Variants in GALNTL6 observed in about 807,000 individuals in gnomAD.
The protein encoded by GALNTL6 is polypeptide N-acetylgalactosaminyltransferase like 6, also known as polypeptide N-acetylgalactosaminyltransferase-like 6.
A neutral mutation model predicts 73.7 loss-of-function variants in GALNTL6; 46 were observed. The ratio of observed to expected loss-of-function variants is 0.62; its 90% CI spans 0.49 to 0.80. The LOEUF (loss-of-function observed/expected upper bound fraction) is 0.80, where lower values mean the gene tolerates loss of function less well. Among genes scored for constraint, GALNTL6 ranks in the 30% least tolerant of loss-of-function variants. The pLI is 0.00. For missense variants in GALNTL6, 604 were observed against 755.0 expected, an observed-to-expected ratio of 0.80 and a Z score of 2.34; for synonymous variants, 259 against 263.7, an observed-to-expected ratio of 0.98 and a Z score of 0.17.
At position 172,069,582 on chromosome 4, in the gene GALNTL6, A is replaced by ATGTTATATATG. The variant is rs1451907472; in HGVS notation, c.139-160073_139-160072insGTTATATATGT. Among the ~76,000 whole-genome samples, 9 of 21,028 alleles carry ATGTTATATATG rather than the reference A, an allele frequency of 4.3e-4. 3 individuals are homozygous for ATGTTATATATG. The South Asian group carries it at 0.019, about 46-fold the overall frequency. 13.8% of individuals were successfully genotyped at this position (21,028 alleles called of 152,430 possible). ...TATATATAACACATATATGTTATATATTATATATATAACACATATATGTTA... is the reference window on the plus strand; with the variant it reads ...TATATATAACACATATATGTTATATATGTTATATATGTTATATATATAACACATATATGTTA... On this transcript the variant is annotated intron_variant, in intron 2 of 12. Coordinates refer to ENST00000506823, the MANE Select transcript of GALNTL6 (RefSeq NM_001034845.3).
chr4:171,908,441 A>T (rs1448939838), intron 2 of GALNTL6, among the ~76,000 whole-genome samples: 2 of 152,180 alleles, frequency 1.3e-5, no homozygotes, highest in African/African-American at 2.4e-5. Context: ...TCAAAACCAC[A>T]GTGAGATACC....
chr4:171,913,952 A>T (rs1382617100), intron 2 of GALNTL6, among the ~76,000 whole-genome samples: 1 of 152,054 alleles, frequency 6.6e-6, no homozygotes, highest in Non-Finnish European at 1.5e-5. Flanking sequence ...GAAAAAATCC[A>T]AAATTGAAAT....
chr4:172,707,850 A>C (rs1187855892), intron 5 of GALNTL6, among the ~76,000 whole-genome samples: 3 of 152,100 alleles, frequency 2.0e-5, no homozygotes, highest in African/African-American at 7.2e-5. Flanking sequence ...CATGGTGATC[A>C]GATATCAAGG....
At chr4:172,642,753 A>C (rs1055376626) in intron 5 of GALNTL6, among the ~76,000 whole-genome samples, 45 of 151,986 alleles carry the variant, frequency 3.0e-4, no homozygotes, top group Admixed American at 2.7e-3. Context: ...GAGGTAATGC[A>C]TATGTTAATT....
rs188767045 is a variant in GALNTL6 at position 171,936,996 on chromosome 4, G to A, written c.138+122278G>A. Reference sequence around the variant, plus strand: ...CTTCCAGCTGAACCTGCAAGATCACGCTTCACAATACAAGTACCCAAGAAA... The same window carrying A: ...CTTCCAGCTGAACCTGCAAGATCACACTTCACAATACAAGTACCCAAGAAA... On this transcript the variant is annotated intron_variant, in intron 2 of 12. Coordinates refer to ENST00000506823, the MANE Select transcript of GALNTL6 (RefSeq NM_001034845.3). 9.2e-4 allele frequency among the ~76,000 whole-genome samples: 140 copies of A among 152,114 alleles called. 1 individual carries two copies. Among genetic ancestry groups the A allele is most frequent in the African/African-American group, 3.2e-3 (131 of 41,504 alleles).
chr4:172,257,909 T>A (rs930007264), intron 3 of GALNTL6, among the ~76,000 whole-genome samples: 2 of 151,286 alleles, frequency 1.3e-5, no homozygotes, highest in African/African-American at 4.8e-5. Flanking sequence ...GGTATCTTCA[T>A]ATAGTTTATG....
At chr4:172,857,803 A>G (rs926467841) in intron 7 of GALNTL6, among the ~76,000 whole-genome samples, 1 of 152,226 alleles carries the variant, frequency 6.6e-6, no homozygotes, top group African/African-American at 2.4e-5. Flanking sequence ...AGATGTAAAA[A>G]TAATCCTCAA....
intron 5 of GALNTL6, among the ~76,000 whole-genome samples, chr4:172,413,574 T>G (rs1283930447): frequency 6.6e-6 from 1 of 152,096 alleles, no homozygotes; most frequent in African/African-American, 2.4e-5. Flanking sequence ...GCATAGGAAT[T>G]AGGCTTTTAT....
At chr4:172,988,636 C>T (rs1229960736) in intron 10 of GALNTL6, among the ~76,000 whole-genome samples, 2 of 152,250 alleles carry the variant, frequency 1.3e-5, no homozygotes, top group Admixed American at 6.5e-5. Context: ...ATGGCAGCCT[C>T]TCCCATCACA....
chr4:171,861,407 T>C (rs958005117), intron 2 of GALNTL6, among the ~76,000 whole-genome samples: 5 of 152,246 alleles, frequency 3.3e-5, no homozygotes, highest in African/African-American at 1.2e-4. Context: ...TTAATTGACA[T>C]TTGTAACCCT....
chr4:172,770,687 C>T (rs1044143242), intron 5 of GALNTL6, among the ~76,000 whole-genome samples: 1 of 152,196 alleles, frequency 6.6e-6, no homozygotes, highest in South Asian at 2.1e-4. Context: ...ACTTAATTGA[C>T]TTTTATGCTG....
In GALNTL6 at chr4:171,813,636, C is replaced by T. The variant is rs1734440309; in HGVS notation, c.-524C>T. ...TGGTCCTGTGGGTTCGTTCAGTTGC[C>T]AGAAAAGAATGGTAACATGAACAGC... is the stretch of plus-strand genomic sequence containing the variant. On this transcript the variant is annotated 5_prime_UTR_variant, in exon 1 of 13. Coordinates refer to ENST00000506823, the MANE Select transcript of GALNTL6 (RefSeq NM_001034845.3). This position sits in a 1 kb window ranked among gnomAD's most constrained non-coding sequence, Gnocchi z 5.2. 6.6e-6 allele frequency: 1 copy of T among 152,384 alleles called. No homozygotes were observed. The allele number at this position is 152,384 out of a possible 1,614,324, so 9.4% of individuals were successfully genotyped here. A position where few individuals can be genotyped will look rare whatever the true frequency, so the allele number is the denominator to read the frequency against.
chr4:172,273,583 A>G (rs979306476), intron 3 of GALNTL6, among the ~76,000 whole-genome samples: 2 of 152,202 alleles, frequency 1.3e-5, no homozygotes, highest in African/African-American at 4.8e-5. Context: ...GGAAAGTCAG[A>G]CAGACTTCCT....
intron 12 of GALNTL6, among the ~76,000 whole-genome samples, chr4:173,032,309 G>A (rs989412743): frequency 1.3e-5 from 2 of 152,170 alleles, no homozygotes; most frequent in African/African-American, 4.8e-5. Context: ...GAATTAGCCG[G>A]GCGTGGTGGC....
At chr4:172,713,663 G>A (rs1293045813) in intron 5 of GALNTL6, among the ~76,000 whole-genome samples, 2 of 152,060 alleles carry the variant, frequency 1.3e-5, no homozygotes, top group Non-Finnish European at 2.9e-5. Context: ...TATGGTCACT[G>A]AATCATAGAT....
At chr4:172,117,668 G>A (rs566698379) in intron 2 of GALNTL6, among the ~76,000 whole-genome samples, 9 of 152,140 alleles carry the variant, frequency 5.9e-5, no homozygotes, top group Non-Finnish European at 1.0e-4. Flanking sequence ...TCCATCAACA[G>A]GAGGACGTAA....
At chr4:172,606,610 AC>A (rs1560832216) in intron 5 of GALNTL6, among the ~76,000 whole-genome samples, 5 of 108,102 alleles carry the variant, frequency 4.6e-5, no homozygotes, top group African/African-American at 1.8e-4. Flanking sequence ...ATACATATAT[AC>A]ATATATAGTA....
intron 7 of GALNTL6, among the ~76,000 whole-genome samples, chr4:172,815,621 C>T (rs572593142): frequency 6.6e-6 from 1 of 152,264 alleles, no homozygotes; most frequent in East Asian, 1.9e-4. Context: ...TAAAAGTATT[C>T]TCAGTGCCTG....
rs1289013994 is a variant in GALNTL6, at chr4:172,861,722, G to C, written c.924-21068G>C. ...TCTTTCCCATGCTGTTCTCATGATAGTGAATAAGTCTCAGGACATCTCATG... is the reference window on the plus strand; with the variant it reads ...TCTTTCCCATGCTGTTCTCATGATACTGAATAAGTCTCAGGACATCTCATG... On this transcript the variant is annotated intron_variant, in intron 7 of 12. Transcript: ENST00000506823. Among the ~76,000 whole-genome samples the C allele has an allele frequency of 2.0e-5, 3 of 152,202 alleles. No individual in the cohort carries two copies. In the South Asian group the frequency reaches 6.2e-4, roughly 32 times the overall value.
Sources: gnomAD v4.1 joint callset for allele counts (sites outside exome capture counted in the v4.1 genomes callset) on GRCh38, gnomAD v4.1.1 for gene constraint, Gnocchi (gnomAD v3.1) non-coding constraint, MANE v1.5 for transcripts, NCBI Gene and HGNC (gene_info 2026-07-23, HGNC 2026-07-21) for gene names.